The following PRELID2 variants were observed in gnomAD, a reference collection of about 807,000 sequenced individuals.
PRELID2 encodes the protein PRELI domain containing 2, also known as PRELI domain-containing protein 2.
In PRELID2, 25 loss-of-function variants were observed where a neutral mutation model predicts 28.4. The observed-to-expected ratio is 0.88, with a 90% CI of 0.64 to 1.23. PRELID2 has a LOEUF of 1.23. Ranked by LOEUF, PRELID2 falls within the 50% of genes most tolerant of loss-of-function variation. The pLI is 0.00. For synonymous variants in PRELID2, 76 were observed against 71.6 expected (o/e 1.06, Z -0.31); for missense variants, 201 against 214.4 (o/e 0.94, Z 0.39).
intron 1 of PRELID2, among the ~76,000 whole-genome samples, chr5:145,632,166 A>T (rs1753942177): frequency 6.6e-6 from 1 of 152,214 alleles, no homozygotes; most frequent in East Asian, 1.9e-4. Context: ...ATTCTGTGAA[A>T]CCTATCTCCC....
At chr5:145,384,823 G>A in the PRELID2 span, among the ~76,000 whole-genome samples, 1 of 152,134 alleles carries the variant, frequency 6.6e-6, no homozygotes, top group East Asian at 1.9e-4. Context: ...AGGCTCTCAC[G>A]AGAAGTCACT....
chr5:145,455,257 T>C, the PRELID2 span, among the ~76,000 whole-genome samples: 14 of 152,154 alleles, frequency 9.2e-5, no homozygotes, highest in Admixed American at 5.9e-4. Context: ...AAAGATCAGA[T>C]GGTTGTAGAT....
chr5:145,507,896 G>C (rs564467451), intron 1 of PRELID2, among the ~76,000 whole-genome samples: 1 of 152,128 alleles, frequency 6.6e-6, no homozygotes, highest in African/African-American at 2.4e-5. Context: ...AGGTAGGTAA[G>C]AAACTAACTT....
chr5:145,441,449 C>G, the PRELID2 span, among the ~76,000 whole-genome samples: 1 of 152,090 alleles, frequency 6.6e-6, no homozygotes, highest in African/African-American at 2.4e-5. Context: ...CATCTCACTC[C>G]TCTCTTATCT....
At chr5:145,253,853 A>C in the PRELID2 span, among the ~76,000 whole-genome samples, 1 of 152,188 alleles carries the variant, frequency 6.6e-6, no homozygotes, top group South Asian at 2.1e-4. Flanking sequence ...AAAACAAAAA[A>C]AAAATCCAGT....
At chr5:145,328,592 T>G in the PRELID2 span, among the ~76,000 whole-genome samples, 21 of 152,302 alleles carry the variant, frequency 1.4e-4, no homozygotes, top group African/African-American at 4.3e-4. Context: ...TTTTGAGAAG[T>G]GTCTGTTTAT....
the PRELID2 span, among the ~76,000 whole-genome samples, chr5:145,242,433 G>A: frequency 4.6e-3 from 705 of 152,078 alleles, 8 homozygotes; most frequent in East Asian, 0.03. Context: ...GTGTAGGAAG[G>A]TATTATCATT....
intron 1 of PRELID2, among the ~76,000 whole-genome samples, chr5:145,824,395 C>T (rs1009455508): frequency 6.0e-5 from 9 of 150,274 alleles, no homozygotes; most frequent in African/African-American, 2.2e-4. Flanking sequence ...AAATACAAAA[C>T]TCTGACTGTG....
intron 1 of PRELID2, among the ~76,000 whole-genome samples, chr5:145,610,466 A>T (rs1013009953): frequency 2.2e-5 from 3 of 137,724 alleles, no homozygotes; most frequent in Admixed American, 7.0e-5. Flanking sequence ...CTCAATTTAA[A>T]AAAAAAAAAT....
the PRELID2 span, among the ~76,000 whole-genome samples, chr5:145,351,970 T>C: frequency 6.6e-6 from 1 of 152,200 alleles, no homozygotes. Context: ...TGGGCTCTCA[T>C]GGCATTGGGC....
the PRELID2 span, among the ~76,000 whole-genome samples, chr5:145,296,364 CCA>C: frequency 1.5e-5 from 2 of 137,140 alleles, no homozygotes; most frequent in South Asian, 2.4e-4. Flanking sequence ...ACAACAGTCC[CCA>C]GAGTGTGATG....
At chr5:145,421,074 G>A in the PRELID2 span, among the ~76,000 whole-genome samples, 5 of 151,214 alleles carry the variant, frequency 3.3e-5, no homozygotes, top group Non-Finnish European at 7.4e-5. Context: ...TGCATCCCAG[G>A]GATGAAGCCC....
rs567689886 is a variant in PRELID2 at position 145,693,120 on chromosome 5, T to C, written n.70+71811A>G. 2.7e-3 allele frequency among the ~76,000 whole-genome samples: 411 copies of C among 152,236 alleles called. 5 individuals carry two copies. The highest frequency in any genetic ancestry group is 4.2e-3 in the Admixed American group (64 of 15,292). ...TTAAATTACCTACTTTTGTTGAACT[T>C]TGTTCCTAGGGAAAAATAAATAAAT... On this transcript the variant is annotated intron_variant and non_coding_transcript_variant, in intron 1 of 2. Transcript: ENST00000510259.
chr5:145,401,133 T>C, the PRELID2 span, among the ~76,000 whole-genome samples: 1 of 152,106 alleles, frequency 6.6e-6, no homozygotes, highest in African/African-American at 2.4e-5. Flanking sequence ...AGCCAAGAAC[T>C]AGAAACTTAA....
chr5:145,608,268 A>G (rs1238873735), intron 1 of PRELID2, among the ~76,000 whole-genome samples: 2 of 152,122 alleles, frequency 1.3e-5, no homozygotes, highest in Non-Finnish European at 2.9e-5. Flanking sequence ...ATTTGTGCAG[A>G]TTTGATCCTG....
the PRELID2 span, among the ~76,000 whole-genome samples, chr5:145,316,723 T>C: frequency 2.0e-5 from 3 of 152,218 alleles, no homozygotes; most frequent in Non-Finnish European, 4.4e-5. Flanking sequence ...TAGAAAAATA[T>C]ACCTAAGAAA....
At chr5:145,423,455 G>A in the PRELID2 span, among the ~76,000 whole-genome samples, 1 of 151,948 alleles carries the variant, frequency 6.6e-6, no homozygotes, top group East Asian at 1.9e-4. Context: ...TTTTTTCTCT[G>A]GACTTCCCTT....
the PRELID2 span, among the ~76,000 whole-genome samples, chr5:145,421,076 A>G: frequency 3.3e-5 from 5 of 151,268 alleles, no homozygotes; most frequent in African/African-American, 1.2e-4. Flanking sequence ...CATCCCAGGG[A>G]TGAAGCCCAC....
At chr5:145,413,247 T>C in the PRELID2 span, among the ~76,000 whole-genome samples, 3 of 152,146 alleles carry the variant, frequency 2.0e-5, no homozygotes, top group South Asian at 6.2e-4. Flanking sequence ...TCAACATCAC[T>C]AATGATCAAG....
Sources: gnomAD v4.1 joint callset for allele counts (sites outside exome capture counted in the v4.1 genomes callset) on GRCh38, gnomAD v4.1.1 for gene constraint, MANE v1.5 for transcripts, NCBI Gene and HGNC (gene_info 2026-07-23, HGNC 2026-07-21) for gene names.